LONRF1: variants seen among roughly 807,000 people sequenced by gnomAD.
LONRF1 encodes LON peptidase N-terminal domain and RING finger protein 1.
In LONRF1, 37 loss-of-function variants were observed where a neutral mutation model predicts 85.8. That is an observed-to-expected ratio of 0.43 (90% confidence interval 0.33 to 0.57). The LOEUF (loss-of-function observed/expected upper bound fraction) is 0.57. LONRF1 is among the 20% of genes least tolerant of loss of function. The probability of loss-of-function intolerance (pLI) is 0.04; values close to 1 mark genes in which losing one functional copy is unlikely to be tolerated. For missense variants in LONRF1, 1,036 were observed against 978.0 expected, an observed-to-expected ratio of 1.06 and a Z score of -0.79; for synonymous variants, 517 against 390.1, an observed-to-expected ratio of 1.33 and a Z score of -3.83.
At chr8:12,738,188 G>T (rs1798795207) in intron 3 of LONRF1, 44 bp from the exon 4 acceptor site, 2 of 1,282,050 alleles carry the variant, frequency 1.6e-6, no homozygotes, top group Non-Finnish European at 2.1e-6. Context: ...TAAAATATTT[G>T]GTTAAGGATA....
intron 1 of LONRF1, among the ~76,000 whole-genome samples, chr8:12,750,305 A>G (rs1799328683): frequency 6.6e-6 from 1 of 152,246 alleles, no homozygotes; most frequent in African/African-American, 2.4e-5. Context: ...AAGGACATAA[A>G]TAAGTTAGCA....
intron 8 of LONRF1, 151 bp from the exon 9 acceptor site, chr8:12,729,483 G>T (rs549379085): frequency 2.8e-6 from 2 of 717,420 alleles, no homozygotes; most frequent in Non-Finnish European, 4.5e-6. Context: ...TTCTTGGCAA[G>T]AACAAGAATC....
At chr8:12,750,972 C>G (rs149647844) in intron 1 of LONRF1, among the ~76,000 whole-genome samples, 196 of 152,268 alleles carry the variant, frequency 1.3e-3, no homozygotes, top group African/African-American at 4.5e-3. Context: ...CATGTTTTGA[C>G]TCATTTGATT....
At chr8:12,746,425 C>CG (rs1239598331) in intron 1 of LONRF1, among the ~76,000 whole-genome samples, 1 of 152,146 alleles carries the variant, frequency 6.6e-6, no homozygotes, top group East Asian at 1.9e-4. Context: ...TCCTCCCTTA[C>CG]CATACCATTC....
Position 12,755,256 on chromosome 8 carries a change from C to A in LONRF1, c.165G>T (p.Gly55=), listed in dbSNP as rs901769364. ...GGTGGCCGCCCAGCGCCAGCAGCTC[C>A]CCGCGGCGGAGCAGCAGCTCCCAGC... ...SERWELLLRR[G]ELLALGGHLK... The change falls in exon 1 of 12, where the codon GGG becomes GGT. Residue 55 remains glycine, a synonymous_variant. Coordinates refer to ENST00000398246, the MANE Select transcript of LONRF1 (RefSeq NM_152271.5). The A allele has an allele frequency of 5.8e-5, 71 of 1,234,652 alleles. No individual in the cohort carries two copies. The highest frequency in any genetic ancestry group is 7.2e-5 in the Non-Finnish European group (71 of 991,376). 76.5% of individuals were successfully genotyped at this position (1,234,652 alleles called of 1,614,324 possible).
Position 12,728,944 on chromosome 8 carries a change from T to C in LONRF1, c.1967A>G (p.Asp656Gly). Residue 656 changes from aspartate (D) to glycine (G), a missense_variant, in exon 10 of 12, where the codon GAT becomes GGT. Asp to Gly is a moderately conservative substitution (Grantham distance 94). Transcript: ENST00000398246. Reference protein sequence around the residue: ...RFRVLKRGMKDGYCTADIEYL... With the variant: ...RFRVLKRGMKGGYCTADIEYL... ...TTCAATGTCGGCAGTGCAATATCCA[T>C]CTTTCATTCCTCTTTTTAAAACCCT... 1 of 1,614,022 alleles carries C rather than the reference T, an allele frequency of 6.2e-7. No individual in the cohort carries two copies. The highest frequency in any genetic ancestry group is 1.1e-5 in the South Asian group (1 of 91,080).
Position 12,735,413 on chromosome 8 carries a change from A to C in LONRF1, c.1452-13T>G, listed in dbSNP as rs1374456378. The C allele has an allele frequency of 6.6e-7, 1 of 1,519,052 alleles. No homozygotes were observed. The highest frequency in any genetic ancestry group is 1.2e-5 in the South Asian group (1 of 86,484). 94.1% of individuals were successfully genotyped at this position (1,519,052 alleles called of 1,614,324 possible). On this transcript the variant is annotated splice_polypyrimidine_tract_variant and intron_variant, in intron 6 of 11. Transcript: ENST00000398246. ...CTCAAAAAACAACCTGAAATCAACC[A>C]AGATACATGTTAGTTTTCACATTAA...
In LONRF1 at chr8:12,723,171, T is replaced by C. The variant is rs201165388; in HGVS notation, c.2247A>G (p.Ser749=). 5.0e-6 allele frequency: 8 copies of C among 1,614,088 alleles called. No individual in the cohort carries two copies. Among genetic ancestry groups the C allele is most frequent in the African/African-American group, 2.7e-5 (2 of 75,002 alleles). ...VDPRYQLSVL[S]MKSLKERLTK... is the part of the protein sequence containing the mutation. ...TCAACCGTTCTTTCAAAGACTTCAT[T>C]GACAAAACCGACAGCTGGTATCGTG... The change falls in exon 12 of 12, where the codon TCA becomes TCG. Residue 749 remains serine, a synonymous_variant. Transcript: ENST00000398246.
In LONRF1 at chr8:12,723,016, A is replaced by T; in HGVS notation, c.*80T>A. 1 of 1,306,264 alleles carries T rather than the reference A, an allele frequency of 7.7e-7. No individual in the cohort carries two copies. The highest frequency in any genetic ancestry group is 1.0e-6 in the Non-Finnish European group (1 of 957,624). 80.9% of individuals were successfully genotyped at this position (1,306,264 alleles called of 1,614,324 possible). ...TCATTAAATTTCTGAAACCAGCACTAGATGTGCAAAGGCAGCAGACAATCT... is the reference window on the plus strand; with the variant it reads ...TCATTAAATTTCTGAAACCAGCACTTGATGTGCAAAGGCAGCAGACAATCT... On this transcript the variant is annotated 3_prime_UTR_variant, in exon 12 of 12. Coordinates refer to ENST00000398246, the MANE Select transcript of LONRF1 (RefSeq NM_152271.5).
At chr8:12,743,425 G>C (rs1171698021) in intron 1 of LONRF1, 143 bp from the exon 2 acceptor site, 5 of 587,962 alleles carry the variant, frequency 8.5e-6, no homozygotes, top group African/African-American at 1.9e-5. Flanking sequence ...GCCAAAGGCA[G>C]TATAGGCACA....
intron 8 of LONRF1, among the ~76,000 whole-genome samples, chr8:12,731,360 G>C (rs772373345): frequency 1.3e-5 from 2 of 152,050 alleles, no homozygotes; most frequent in African/African-American, 2.4e-5. Flanking sequence ...AAAATCCCCT[G>C]CTAATCTAGG....
At chr8:12,738,288 A>T (rs758957690) in intron 3 of LONRF1, 144 bp from the exon 4 acceptor site, 4 of 558,896 alleles carry the variant, frequency 7.2e-6, no homozygotes, top group Non-Finnish European at 8.9e-6. Context: ...GGTAAGCAAC[A>T]CTGTAAGTTC....
At chr8:12,732,030 G>C (rs938278770) in intron 7 of LONRF1, among the ~76,000 whole-genome samples, 173 bp from the exon 8 acceptor site, 4 of 152,180 alleles carry the variant, frequency 2.6e-5, no homozygotes, top group African/African-American at 9.7e-5. Context: ...ACCTGTCTGA[G>C]GCTTTGCACA....
chr8:12,733,553 G>A (rs761577686), intron 7 of LONRF1, among the ~76,000 whole-genome samples: 6 of 152,108 alleles, frequency 3.9e-5, no homozygotes, highest in Non-Finnish European at 8.8e-5. Flanking sequence ...ACTGAGTAGA[G>A]GAGCAGACCT....
Position 12,728,886 on chromosome 8 carries a change from C to T in LONRF1, c.2010+15G>A. On this transcript the variant is annotated intron_variant, in intron 10 of 11. Transcript: ENST00000398246. ...GATATACGAAAGTATGCTGGCAAAG[C>T]ACATTTTAAAATACCTTAACATCTT... The T allele has an allele frequency of 6.2e-7, 1 of 1,613,516 alleles. No homozygotes were observed. The highest frequency in any genetic ancestry group is 8.5e-7 in the Non-Finnish European group (1 of 1,179,604).
chr8:12,729,457 A>C, intron 8 of LONRF1, 125 bp from the exon 9 acceptor site: 1 of 942,664 alleles, frequency 1.1e-6, no homozygotes, highest in Non-Finnish European at 1.6e-6. Context: ...ATTAGTTCTA[A>C]ATAAGGTGGT....
At chr8:12,725,683 T>C in intron 11 of LONRF1, 44 bp downstream of exon 11, 2 of 1,580,076 alleles carry the variant, frequency 1.3e-6, no homozygotes, top group Non-Finnish European at 1.7e-6. Context: ...CAAATTTGGG[T>C]TTATAAAAAA....
At chr8:12,741,506 T>C (rs1798933721) in intron 2 of LONRF1, among the ~76,000 whole-genome samples, 2 of 152,142 alleles carry the variant, frequency 1.3e-5, no homozygotes. Flanking sequence ...GCCCAGACAA[T>C]GACTTTTTCA....
chr8:12,750,593 G>A (rs1398161013), intron 1 of LONRF1, among the ~76,000 whole-genome samples: 1 of 152,128 alleles, frequency 6.6e-6, no homozygotes, highest in African/African-American at 2.4e-5. Context: ...CTACTGTATT[G>A]TTTAAATTCA....
Sources: allele counts gnomAD v4.1 joint callset (sites outside exome capture counted in the v4.1 genomes callset), GRCh38; gene constraint gnomAD v4.1.1; transcripts MANE v1.5; gene names NCBI Gene and HGNC (gene_info 2026-07-23, HGNC 2026-07-21).